Variants in CACNA1A observed in about 807,000 individuals in gnomAD.
The protein encoded by CACNA1A is voltage-dependent P/Q-type calcium channel subunit alpha-1A.
CACNA1A carries 57 observed loss-of-function variants against 262.4 expected under a neutral mutation model. The observed-to-expected ratio is 0.22, with a 90% CI of 0.18 to 0.27. The LOEUF is 0.27. Among genes scored for constraint, CACNA1A ranks in the 10% least tolerant of loss-of-function variants. The probability of loss-of-function intolerance (pLI) is 1.00; values close to 1 mark genes in which losing one functional copy is unlikely to be tolerated. For synonymous variants in CACNA1A, 1,431 were observed against 1,419.3 expected (o/e 1.01, Z -0.18); for missense variants, 2,526 against 3,562.8 (o/e 0.71, Z 7.41).
rs749181735 is a variant in CACNA1A at position 13,299,078 on chromosome 19, T to C, written c.2555A>G (p.Gln852Arg). 2 of 1,609,988 alleles carry C rather than the reference T, an allele frequency of 1.2e-6. No individual in the cohort carries two copies. Among genetic ancestry groups the C allele is most frequent in the Non-Finnish European group, 1.7e-6 (2 of 1,179,386 alleles). ...EPTVDQRLGQ[Q>R]RAEDFLRKQA... ...TTTCCTGAGGAAGTCCTCGGCGCGC[T>C]GCTGGCCGAGGCGCTGGTCCACGGT... Residue 852 changes from glutamine to arginine, a missense_variant, in exon 19 of 47, where the codon CAG (glutamine) becomes CGG (arginine). Physicochemically the swap from Gln to Arg is conservative, Grantham distance 43 (BLOSUM62 1). Transcript: ENST00000360228.
chr19:13,240,909 A>C (rs1019980570), intron 31 of CACNA1A, among the ~76,000 whole-genome samples: 9 of 152,236 alleles, frequency 5.9e-5, no homozygotes, highest in African/African-American at 2.2e-4. Context: ...ACATGAAGCT[A>C]CCAGATCCAA....
intron 30 of CACNA1A, chr19:13,245,671 C>CT (rs763446754): frequency 0.018 from 2,042 of 115,862 alleles, 43 homozygotes; most frequent in African/African-American, 0.038. Flanking sequence ...CTTTCTTTCT[C>CT]TTTTTTTTTT....
chr19:13,479,067 A>G lies in CACNA1A; in HGVS notation c.294-23855T>C, dbSNP rs551565971. Among the ~76,000 whole-genome samples the G allele has an allele frequency of 1.2e-4, 18 of 152,268 alleles. No individual in the cohort carries two copies. In the Middle Eastern group the frequency reaches 0.01, roughly 86 times the overall value. On this transcript the variant is annotated intron_variant, in intron 1 of 46. Coordinates refer to ENST00000360228, the MANE Select transcript of CACNA1A (RefSeq NM_001127222.2). ...TGGGTGCCTGTAATCCCAGCTACTC[A>G]GGAGGCTGAGGCAGGAGACTCACTT...
At chr19:13,273,630 T>C (rs1008722243) in intron 24 of CACNA1A, 3 of 151,036 alleles carry the variant, frequency 2.0e-5, no homozygotes, top group Non-Finnish European at 4.4e-5. Flanking sequence ...ATTTACTTTT[T>C]AACCTACAGA....
chr19:13,360,229 T>TA (rs1211407110), intron 5 of CACNA1A, among the ~76,000 whole-genome samples: 1 of 143,848 alleles, frequency 7.0e-6, no homozygotes, highest in Non-Finnish European at 1.5e-5. Context: ...ATTTGTTTTT[T>TA]AAAAAAACTT....
intron 1 of CACNA1A, among the ~76,000 whole-genome samples, chr19:13,499,332 A>G (rs1478883743): frequency 6.6e-6 from 1 of 151,966 alleles, no homozygotes; most frequent in African/African-American, 2.4e-5. Flanking sequence ...AGTGGCCACG[A>G]ATTTTTTTTC....
At position 13,267,115 on chromosome 19, in the gene CACNA1A, C is replaced by T. The variant is rs184471492; in HGVS notation, c.3990-4282G>A. Among the ~76,000 whole-genome samples the T allele has an allele frequency of 3.3e-5, 5 of 151,316 alleles. No homozygotes were observed. In the South Asian group the frequency reaches 6.3e-4, roughly 19 times the overall value. ...CGAGGCTGCACCAGGGGACAGATCA[C>T]GAGAGACAGAATATGAGAGAGAGAG... is the stretch of plus-strand genomic sequence containing the variant. On this transcript the variant is annotated intron_variant, in intron 24 of 46. Transcript: ENST00000360228.
chr19:13,286,991 A>C (rs1015886194), intron 19 of CACNA1A, 25 bp from the exon 20 acceptor site: 3 of 1,515,290 alleles, frequency 2.0e-6, no homozygotes, highest in Non-Finnish European at 2.7e-6. Flanking sequence ...TGAATGAAAA[A>C]GAACCAACAA....
chr19:13,439,658 G>A (rs866179325), intron 3 of CACNA1A, among the ~76,000 whole-genome samples: 36 of 151,734 alleles, frequency 2.4e-4, no homozygotes, highest in African/African-American at 8.0e-4. Flanking sequence ...TGATCTGCCC[G>A]CCTCGGCCTC....
chr19:13,357,829 C>T (rs2059032243), intron 6 of CACNA1A, among the ~76,000 whole-genome samples: 1 of 151,856 alleles, frequency 6.6e-6, no homozygotes, highest in African/African-American at 2.4e-5. Flanking sequence ...CATAGTGAGA[C>T]CCCATCTCTA....
At chr19:13,380,589 T>G (rs1348190292) in intron 3 of CACNA1A, among the ~76,000 whole-genome samples, 1 of 121,152 alleles carries the variant, frequency 8.3e-6, no homozygotes, top group East Asian at 2.4e-4. Flanking sequence ...GAGGTTGCAG[T>G]GAGCCAAGAT....
chr19:13,408,744 G>C (rs1389732470), intron 3 of CACNA1A, among the ~76,000 whole-genome samples: 2 of 152,072 alleles, frequency 1.3e-5, no homozygotes, highest in East Asian at 3.9e-4. Context: ...GAATACTGTT[G>C]GTCCCAAAGG....
At chr19:13,321,357 G>C (rs1490618486) in intron 10 of CACNA1A, among the ~76,000 whole-genome samples, 1 of 152,010 alleles carries the variant, frequency 6.6e-6, no homozygotes, top group Admixed American at 6.6e-5. Context: ...GTTCTATGGT[G>C]GGGGAAGGGG....
intron 4 of CACNA1A, among the ~76,000 whole-genome samples, chr19:13,367,798 C>G (rs189827611): frequency 1.5e-3 from 222 of 152,260 alleles, no homozygotes; most frequent in African/African-American, 5.2e-3. Flanking sequence ...AACTGGGCAT[C>G]TGAAGACCTA....
intron 3 of CACNA1A, chr19:13,452,087 A>T (rs151040597): frequency 6.6e-6 from 1 of 152,296 alleles, no homozygotes; most frequent in African/African-American, 2.4e-5. Context: ...CTCCCACCTC[A>T]GCCTCCCAAA....
At chr19:13,411,639 C>CA (rs1294030780) in intron 3 of CACNA1A, among the ~76,000 whole-genome samples, 1 of 151,940 alleles carries the variant, frequency 6.6e-6, no homozygotes, top group African/African-American at 2.4e-5. Context: ...TACACCATGT[C>CA]AAAAAATGTG....
intron 6 of CACNA1A, among the ~76,000 whole-genome samples, chr19:13,358,552 G>C (rs968461144): frequency 6.6e-6 from 1 of 152,192 alleles, no homozygotes; most frequent in Admixed American, 6.5e-5. Context: ...ATAAGAAAGA[G>C]GGGGGAGGAC....
chr19:13,303,135 TA>T (rs1235255683), intron 17 of CACNA1A, among the ~76,000 whole-genome samples: 2 of 152,130 alleles, frequency 1.3e-5, no homozygotes, highest in Admixed American at 1.3e-4. Flanking sequence ...CTGGGTTCTC[TA>T]AGGTCCCAGG....
intron 3 of CACNA1A, among the ~76,000 whole-genome samples, chr19:13,441,898 G>A (rs890744501): frequency 6.6e-6 from 1 of 152,154 alleles, no homozygotes; most frequent in Non-Finnish European, 1.5e-5. Context: ...CAAACCTGCG[G>A]AGAGATGGAT....
Sources: gnomAD v4.1 joint callset for allele counts (sites outside exome capture counted in the v4.1 genomes callset) on GRCh38, gnomAD v4.1.1 for gene constraint, MANE v1.5 for transcripts, NCBI Gene and HGNC (gene_info 2026-07-23, HGNC 2026-07-21) for gene names.